Variants in CKAP4 observed in about 807,000 individuals in gnomAD.
The protein encoded by CKAP4 is cytoskeleton-associated protein 4.
Under a neutral mutation model 24.4 loss-of-function variants are expected in CKAP4, and 20 were observed. The observed-to-expected ratio is 0.82, with a 90% confidence interval of 0.58 to 1.19. The LOEUF is 1.19. Ranked by LOEUF, CKAP4 falls within the 50% of genes most tolerant of loss-of-function variation. The pLI, the probability that CKAP4 is intolerant of heterozygous loss-of-function variation, is 0.00. For synonymous variants in CKAP4, 378 were observed against 351.7 expected (o/e 1.07, Z -0.84); for missense variants, 744 against 765.3 (o/e 0.97, Z 0.33).
chr12:106,238,085 C>T lies in CKAP4; in HGVS notation c.*939G>A, dbSNP rs1592895720. 1 of 124,520 alleles carries T rather than the reference C, an allele frequency of 8.0e-6. No individual in the cohort carries two copies. 7.7% of individuals were successfully genotyped at this position (124,520 alleles called of 1,614,324 possible). On this transcript the variant is annotated 3_prime_UTR_variant, in exon 2 of 2. Transcript: ENST00000378026. ...TCAGAGGGAAGGGAGATACAGCAAA[C>T]AATTACACAAACGCAGTATGCACGC...
rs1358488324 is a variant in CKAP4 at position 106,247,884 on chromosome 12, G to A, written c.-33C>T. ...GCGGCGGCGGCTCGGGCCGCGGGCT[G>A]GGAGGCGAGCGAGCGCGGCGCGCGG... On this transcript the variant is annotated 5_prime_UTR_variant, in exon 1 of 2. Coordinates refer to ENST00000378026, the MANE Select transcript of CKAP4 (RefSeq NM_006825.4). The surrounding 1 kb of genome is among the most constrained non-coding windows in gnomAD (Gnocchi z 4.5). 14 of 1,023,846 alleles carry A rather than the reference G, an allele frequency of 1.4e-5. No homozygotes were observed. The highest frequency in any genetic ancestry group is 8.8e-5 in the East Asian group (1 of 11,364). 63.4% of individuals were successfully genotyped at this position (1,023,846 alleles called of 1,614,324 possible). A position where few individuals can be genotyped will look rare whatever the true frequency, so the allele number is the denominator to read the frequency against.
rs1371851476 is a variant in CKAP4 at position 106,247,613 on chromosome 12, G to A, written c.239C>T (p.Ser80Phe). ...RGGGGGGGKS[S>F]SSSSASAAAA... ...GGCGGCGGAGGCGGAGGAGGAGGAG[G>A]AGGACTTGCCGCCGCCGCCGCCGCC... The change falls in exon 1 of 2, where the codon TCC becomes TTC. Residue 80 changes from serine (S) to phenylalanine (F), a missense_variant. Coordinates refer to ENST00000378026, the MANE Select transcript of CKAP4 (RefSeq NM_006825.4). This position sits in a 1 kb window ranked among gnomAD's most constrained non-coding sequence, Gnocchi z 4.5. 3.2e-6 allele frequency: 4 copies of A among 1,247,424 alleles called. No individual in the cohort carries two copies. Among genetic ancestry groups the A allele is most frequent in the Non-Finnish European group, 3.1e-6 (3 of 976,736 alleles). The allele number at this position is 1,247,424 out of a possible 1,614,324, so 77.3% of individuals were successfully genotyped here.
rs572619681 is a variant in CKAP4 at position 106,247,569 on chromosome 12, AGGCGGC to A, written c.277_282del (p.Ala93_Ala94del). 30 of 1,381,140 alleles carry A rather than the reference AGGCGGC, an allele frequency of 2.2e-5. No individual in the cohort carries two copies. The highest frequency in any genetic ancestry group is 2.8e-5 in the Non-Finnish European group (30 of 1,059,970). The allele number at this position is 1,381,140 out of a possible 1,614,324, so 85.6% of individuals were successfully genotyped here. On this transcript the variant is annotated inframe_deletion, in exon 1 of 2. Coordinates refer to ENST00000378026, the MANE Select transcript of CKAP4 (RefSeq NM_006825.4). The surrounding 1 kb of genome is among the most constrained non-coding windows in gnomAD (Gnocchi z 4.5). ...CTGCGCGAGCAGGACGCCGAGGACG[AGGCGGC>A]GGCGGCGGCAGCGGCGGCGGAGGCG...
At chr12:106,244,021 G>A (rs1212305084) in intron 1 of CKAP4, among the ~76,000 whole-genome samples, 1 of 152,192 alleles carries the variant, frequency 6.6e-6, no homozygotes, top group African/African-American at 2.4e-5. Context: ...GTAACCAAGA[G>A]TTATAAAAGG....
At position 106,247,741 on chromosome 12, in the gene CKAP4, C is replaced by T; in HGVS notation, c.111G>A (p.Pro37=). 1.1e-5 allele frequency: 11 copies of T among 1,041,930 alleles called. No individual in the cohort carries two copies. The highest frequency in any genetic ancestry group is 1.3e-5 in the Non-Finnish European group (11 of 871,290). 64.5% of individuals were successfully genotyped at this position (1,041,930 alleles called of 1,614,324 possible). A position where few individuals can be genotyped will look rare whatever the true frequency, so the allele number is the denominator to read the frequency against. The part of the protein sequence containing the change: ...GGADDVAKKP[P]PAPQQPPPPP... ...GCGGCGGCGGCTGCTGCGGCGCCGG[C>T]GGCGGCTTCTTCGCCACGTCATCCG... Residue 37 remains proline, a synonymous_variant, in exon 1 of 2, where the codon CCG becomes CCA. Transcript: ENST00000378026. This position sits in a 1 kb window ranked among gnomAD's most constrained non-coding sequence, Gnocchi z 4.5.
Position 106,247,594 on chromosome 12 carries a change from G to A in CKAP4, c.258C>T (p.Ser86=), listed in dbSNP as rs1000086109. The A allele has an allele frequency of 7.1e-6, 10 of 1,398,820 alleles. No homozygotes were observed. In the South Asian group the frequency reaches 7.4e-5, roughly 10 times the overall value. The allele number at this position is 1,398,820 out of a possible 1,614,324, so 86.7% of individuals were successfully genotyped here. The change falls in exon 1 of 2, where the codon TCC becomes TCT. Residue 86 remains serine (S), a synonymous_variant. Transcript: ENST00000378026. This position sits in a 1 kb window ranked among gnomAD's most constrained non-coding sequence, Gnocchi z 4.5. The part of the protein sequence containing the change: ...GGKSSSSSSA[S]AAAAAAAASS... ...AGGCGGCGGCGGCGGCAGCGGCGGCGGAGGCGGAGGAGGAGGAGGAGGACT... is the reference window on the plus strand; with the variant it reads ...AGGCGGCGGCGGCGGCAGCGGCGGCAGAGGCGGAGGAGGAGGAGGAGGACT...
In CKAP4 at chr12:106,239,604, T is replaced by C; in HGVS notation, c.1229A>G (p.Asp410Gly). Residue 410 changes from aspartate to glycine, a missense_variant, in exon 2 of 2, where the codon GAC becomes GGC. Asp to Gly is a moderately conservative substitution (Grantham distance 94). Coordinates refer to ENST00000378026, the MANE Select transcript of CKAP4 (RefSeq NM_006825.4). The surrounding 1 kb of genome is among the most constrained non-coding windows in gnomAD (Gnocchi z 4.9). ...EALQQKSQGL[D>G]SRLQHVEDGV... ...ATCCTCCACGTGCTGGAGCCTGGAG[T>C]CCAGTCCCTGACTCTTTTGCTGGAG... The C allele has an allele frequency of 6.2e-7, 1 of 1,614,042 alleles. No individual in the cohort carries two copies. The highest frequency in any genetic ancestry group is 8.5e-7 in the Non-Finnish European group (1 of 1,180,008).
At position 106,237,989 on chromosome 12, in the gene CKAP4, CGG is replaced by C. The variant is rs1195762628; in HGVS notation, c.*1033_*1034del. 1 of 32,952 alleles carries C rather than the reference CGG, an allele frequency of 3.0e-5. No individual in the cohort carries two copies. Among genetic ancestry groups the C allele is most frequent in the African/African-American group, 1.6e-4 (1 of 6,422 alleles). The allele number at this position is 32,952 out of a possible 1,614,324, so 2.0% of individuals were successfully genotyped here. Reference sequence around the variant, plus strand: ...ACTTTTTTTTTTTTTTTTTACTTTTCGGGTTTTTTTTTTTTTTTTTTTTTCAA... The same window carrying C: ...ACTTTTTTTTTTTTTTTTTACTTTTCGTTTTTTTTTTTTTTTTTTTTTCAA... On this transcript the variant is annotated 3_prime_UTR_variant, in exon 2 of 2. Coordinates refer to ENST00000378026, the MANE Select transcript of CKAP4 (RefSeq NM_006825.4).
chr12:106,247,356 CG>C lies in CKAP4; in HGVS notation c.483+12del. The C allele has an allele frequency of 2.6e-6, 4 of 1,519,098 alleles. No homozygotes were observed. 94.1% of individuals were successfully genotyped at this position (1,519,098 alleles called of 1,614,324 possible). A position where few individuals can be genotyped will look rare whatever the true frequency, so the allele number is the denominator to read the frequency against. On this transcript the variant is annotated intron_variant, in intron 1 of 1. Transcript: ENST00000378026. This position sits in a 1 kb window ranked among gnomAD's most constrained non-coding sequence, Gnocchi z 4.5. ...CAGTCGATGGGGACAGTTGCGGGGC[CG>C]GGGGTACCCACCTTCTGCTCGACGC...
intron 1 of CKAP4, among the ~76,000 whole-genome samples, chr12:106,242,160 G>A (rs1291264580): frequency 1.3e-5 from 2 of 152,196 alleles, no homozygotes; most frequent in Non-Finnish European, 2.9e-5. Flanking sequence ...CTCAGCTGAA[G>A]GATGGGAAAA....
chr12:106,247,478 C>T lies in CKAP4; in HGVS notation c.374G>A (p.Trp125Ter). The change falls in exon 1 of 2, where the codon TGG becomes TAG. Residue 125 changes from tryptophan to a stop codon, truncating the protein, a stop_gained. Coordinates refer to ENST00000378026, the MANE Select transcript of CKAP4 (RefSeq NM_006825.4). LOFTEE classifies it high-confidence loss of function. The surrounding 1 kb of genome is among the most constrained non-coding windows in gnomAD (Gnocchi z 4.5). ...CTCCTCCAGGACGTGGTGGACGCAC[C>T]AGCCCGAGAAAGCGGCCGCCGCCAC... The part of the protein sequence containing the change: ...ALVAAAAFSG[W>*]CVHHVLEEVQ... The T allele has an allele frequency of 6.5e-7, 1 of 1,546,440 alleles. No homozygotes were observed.
At chr12:106,243,513 T>C (rs2033983738) in intron 1 of CKAP4, among the ~76,000 whole-genome samples, 1 of 152,200 alleles carries the variant, frequency 6.6e-6, no homozygotes, top group South Asian at 2.1e-4. Context: ...GGTCCTAGTC[T>C]CATTAAACTG....
chr12:106,244,429 A>G (rs182912597), intron 1 of CKAP4, among the ~76,000 whole-genome samples: 7 of 152,378 alleles, frequency 4.6e-5, no homozygotes, highest in Admixed American at 2.6e-4. Context: ...CTGGCACGTA[A>G]TAAGTGCACC....
rs200500476 is a variant in CKAP4, at chr12:106,239,857, G to A, written c.976C>T (p.Arg326Cys). 4.3e-5 allele frequency: 70 copies of A among 1,614,066 alleles called. 1 individual carries two copies. The Admixed American group carries it at 8.0e-4, about 18-fold the overall frequency. The stretch of plus-strand genomic sequence containing the variant: ...TCCTGCTTGAGGCTCACCAGCTCGC[G>A]GACCTCGGTGTAGATGTCAGACTCC... ...TMESDIYTEV[R>C]ELVSLKQEQQ... The change falls in exon 2 of 2, where the codon CGC (arginine) becomes TGC (cysteine). Residue 326 changes from arginine to cysteine, a missense_variant. Transcript: ENST00000378026. This position sits in a 1 kb window ranked among gnomAD's most constrained non-coding sequence, Gnocchi z 4.9.
chr12:106,241,254 G>A (rs936086984), intron 1 of CKAP4, among the ~76,000 whole-genome samples: 2 of 151,864 alleles, frequency 1.3e-5, no homozygotes, highest in Admixed American at 6.6e-5. Context: ...CAAAGGGAAG[G>A]AAAGGAAAGG....
intron 1 of CKAP4, among the ~76,000 whole-genome samples, chr12:106,246,480 C>A (rs2034010700): frequency 6.6e-6 from 1 of 152,162 alleles, no homozygotes; most frequent in Non-Finnish European, 1.5e-5. Flanking sequence ...CAGTGGCTCA[C>A]GCCTGTAATC....
chr12:106,243,391 C>T (rs2033982842), intron 1 of CKAP4, among the ~76,000 whole-genome samples: 1 of 152,098 alleles, frequency 6.6e-6, no homozygotes, highest in African/African-American at 2.4e-5. Context: ...TTCAAAGTGC[C>T]CTGAGTACCT....
At chr12:106,241,425 C>T (rs1345861558) in intron 1 of CKAP4, among the ~76,000 whole-genome samples, 1 of 150,326 alleles carries the variant, frequency 6.7e-6, no homozygotes, top group East Asian at 1.9e-4. Flanking sequence ...CTCCGCCTCC[C>T]GGGTTCACGC....
rs772234166 is a variant in CKAP4, at chr12:106,239,547, C to T, written c.1286G>A (p.Arg429His). 92 of 1,612,056 alleles carry T rather than the reference C, an allele frequency of 5.7e-5. No individual in the cohort carries two copies. Among genetic ancestry groups the T allele is most frequent in the Non-Finnish European group, 7.5e-5 (88 of 1,179,402 alleles). Residue 429 changes from arginine (R) to histidine (H), a missense_variant, in exon 2 of 2, where the codon CGC becomes CAC. By Grantham distance (29) the Arg-to-His change is conservative (BLOSUM62 0). Around this residue, in one of 3 missense-constraint regions of CKAP4, gnomAD observed 401 missense variants for 424.5 expected, o/e 0.94. Coordinates refer to ENST00000378026, the MANE Select transcript of CKAP4 (RefSeq NM_006825.4). This position sits in a 1 kb window ranked among gnomAD's most constrained non-coding sequence, Gnocchi z 4.9. ...GAGGGACTCCAGGCTCTCGGTCTGG[C>T]GCGCAGAAGCCACCTGCATGGAGAG... ...GVLSMQVASARQTESLESLLS... is the reference protein window; with the variant it reads ...GVLSMQVASAHQTESLESLLS...
Sources: gnomAD v4.1 joint callset for allele counts (sites outside exome capture counted in the v4.1 genomes callset) on GRCh38, gnomAD v4.1.1 for gene constraint, gnomAD v4.1.1 regional missense constraint, Gnocchi (gnomAD v3.1) non-coding constraint, MANE v1.5 for transcripts, NCBI Gene and HGNC (gene_info 2026-07-23, HGNC 2026-07-21) for gene names.